The following RAB38 variants were observed in gnomAD, a reference collection of about 807,000 sequenced individuals.
The protein encoded by RAB38 is RAB38, member RAS oncogene family, also known as ras-related protein Rab-38.
RAB38 carries 15 observed loss-of-function variants against 18.4 expected under a neutral mutation model. The observed-to-expected ratio is 0.82, with a 90% CI of 0.55 to 1.26. The LOEUF is 1.26. Among genes scored for constraint, RAB38 ranks in the 50% most tolerant of loss-of-function variants. RAB38 has a pLI of 0.00. For synonymous variants in RAB38, 101 were observed against 104.4 expected, an observed-to-expected ratio of 0.97 and a Z score of 0.20; for missense variants, 294 against 267.4, an observed-to-expected ratio of 1.10 and a Z score of -0.69.
chr11:87,864,417 AG>A, the RAB38 span, among the ~76,000 whole-genome samples: 1 of 151,378 alleles, frequency 6.6e-6, no homozygotes, highest in Admixed American at 6.6e-5. Flanking sequence ...TAATATTATT[AG>A]CAGTAGTAGT....
chr11:88,164,422 T>C (rs1943224439), intron 1 of RAB38, among the ~76,000 whole-genome samples: 1 of 152,058 alleles, frequency 6.6e-6, no homozygotes. Context: ...TTATATCTGT[T>C]TGAAACTGGG....
At chr11:88,038,317 C>T in the RAB38 span, among the ~76,000 whole-genome samples, 2 of 152,174 alleles carry the variant, frequency 1.3e-5, no homozygotes, top group Non-Finnish European at 2.9e-5. Flanking sequence ...AGAACCCAAG[C>T]TCAGAGCAAT....
At chr11:88,060,205 G>GTGTCT in the RAB38 span, 2 of 152,094 alleles carry the variant, frequency 1.3e-5, no homozygotes, top group African/African-American at 4.8e-5. Context: ...GCTCCTCTTT[G>GTGTCT]TGTCTCCAGA....
chr11:87,962,793 A>G, the RAB38 span, among the ~76,000 whole-genome samples: 1 of 152,184 alleles, frequency 6.6e-6, no homozygotes, highest in Non-Finnish European at 1.5e-5. Flanking sequence ...AAAATTGCTA[A>G]GAGTAAATTT....
the RAB38 span, among the ~76,000 whole-genome samples, chr11:88,051,453 C>G: frequency 6.6e-6 from 1 of 151,396 alleles, no homozygotes; most frequent in Non-Finnish European, 1.5e-5. Flanking sequence ...CGGATAGAAG[C>G]AAAGGCTTTG....
the RAB38 span, among the ~76,000 whole-genome samples, chr11:87,806,950 T>C: frequency 1.3e-5 from 2 of 152,178 alleles, no homozygotes; most frequent in Non-Finnish European, 2.9e-5. Flanking sequence ...TACAAGACTA[T>C]AGCCTGTTAG....
At chr11:87,868,148 C>A in the RAB38 span, among the ~76,000 whole-genome samples, 1 of 151,566 alleles carries the variant, frequency 6.6e-6, no homozygotes, top group Non-Finnish European at 1.5e-5. Context: ...GGAGTTGAAG[C>A]CTAATGGGAG....
At chr11:88,132,707 C>G (rs780363398) in intron 2 of RAB38, among the ~76,000 whole-genome samples, 30 of 152,180 alleles carry the variant, frequency 2.0e-4, no homozygotes, top group Non-Finnish European at 4.1e-4. Context: ...GATCCACCTG[C>G]CTTGGCCTCC....
At chr11:88,018,605 A>T in the RAB38 span, among the ~76,000 whole-genome samples, 1 of 152,138 alleles carries the variant, frequency 6.6e-6, no homozygotes, top group Non-Finnish European at 1.5e-5. Flanking sequence ...CAGTTCTCAT[A>T]TTAGAGCCAT....
chr11:87,972,138 A>G, the RAB38 span, among the ~76,000 whole-genome samples: 1 of 152,072 alleles, frequency 6.6e-6, no homozygotes, highest in South Asian at 2.1e-4. Context: ...TTATGTCTTA[A>G]GGCTTGAAAA....
At chr11:87,938,581 G>GT in the RAB38 span, among the ~76,000 whole-genome samples, 27 of 134,110 alleles carry the variant, frequency 2.0e-4, 1 homozygote, top group South Asian at 3.8e-3. Context: ...TGTTTGAAAG[G>GT]TTTTTTTTTC....
At chr11:87,894,791 A>G in the RAB38 span, among the ~76,000 whole-genome samples, 2 of 149,840 alleles carry the variant, frequency 1.3e-5, no homozygotes, top group Admixed American at 1.3e-4. Context: ...TATATATCAT[A>G]TATATATATG....
chr11:88,161,944 G>GT (rs1943192978), intron 1 of RAB38, among the ~76,000 whole-genome samples: 1 of 152,068 alleles, frequency 6.6e-6, no homozygotes, highest in Non-Finnish European at 1.5e-5. Context: ...TTTCTAGGGA[G>GT]TAACAGTGTG....
chr11:87,917,227 T>TGG, the RAB38 span, among the ~76,000 whole-genome samples: 3 of 152,048 alleles, frequency 2.0e-5, no homozygotes, highest in South Asian at 6.2e-4. Flanking sequence ...GCACCGTGCG[T>TGG]GGGGTATTGT....
the RAB38 span, among the ~76,000 whole-genome samples, chr11:87,964,838 A>G: frequency 6.6e-6 from 1 of 152,156 alleles, no homozygotes; most frequent in East Asian, 1.9e-4. Context: ...GACCACCGTA[A>G]TTTATAAATT....
At chr11:88,173,200 A>G (rs1264511296) in intron 1 of RAB38, among the ~76,000 whole-genome samples, 1 of 152,202 alleles carries the variant, frequency 6.6e-6, no homozygotes, top group Non-Finnish European at 1.5e-5. Context: ...AGGAATTAAT[A>G]AGCACTTGTA....
the RAB38 span, among the ~76,000 whole-genome samples, chr11:87,948,175 T>C: frequency 3.6e-3 from 541 of 152,184 alleles, 3 homozygotes; most frequent in African/African-American, 0.012. Context: ...TGGGAGTTCA[T>C]TCATGATTTG....
At chr11:88,051,386 G>T in the RAB38 span, among the ~76,000 whole-genome samples, 1 of 151,578 alleles carries the variant, frequency 6.6e-6, no homozygotes, top group Non-Finnish European at 1.5e-5. Context: ...CTTGACAACT[G>T]AGTGGTGACA....
chr11:88,022,204 A>G, the RAB38 span, among the ~76,000 whole-genome samples: 9 of 152,142 alleles, frequency 5.9e-5, no homozygotes, highest in Non-Finnish European at 1.2e-4. Flanking sequence ...AAATCAATCA[A>G]TGTGATAGAT....
Sources: gnomAD v4.1 joint callset for allele counts (sites outside exome capture counted in the v4.1 genomes callset) on GRCh38, gnomAD v4.1.1 for gene constraint, MANE v1.5 for transcripts, NCBI Gene and HGNC (gene_info 2026-07-23, HGNC 2026-07-21) for gene names.